The following INSR variants were observed in gnomAD, a reference collection of about 807,000 sequenced individuals.
INSR encodes IR.
Under a neutral mutation model 142.6 loss-of-function variants are expected in INSR, and 67 were observed. The ratio of observed to expected loss-of-function variants is 0.47; its 90% CI spans 0.39 to 0.58. INSR has a LOEUF of 0.58. Ranked by LOEUF, INSR falls within the 20% of genes least tolerant of loss-of-function variation. The pLI is 0.00. For synonymous variants in INSR, 756 were observed against 743.1 expected (o/e 1.02, Z -0.28); for missense variants, 1,248 against 1,833.2 (o/e 0.68, Z 5.83).
intron 2 of INSR, among the ~76,000 whole-genome samples, chr19:7,241,864 TA>T (rs56130733): frequency 1 from 151,976 of 152,074 alleles, 75,939 homozygotes; most frequent in African/African-American, 1. Flanking sequence ...TCATTAAATT[TA>T]AAAAAAGAAG....
At position 7,150,659 on chromosome 19, in the gene INSR, C is replaced by T. The variant is rs976069296; in HGVS notation, c.2232-127G>A. The T allele has an allele frequency of 2.5e-6, 2 of 810,418 alleles. No homozygotes were observed. The highest frequency in any genetic ancestry group is 1.7e-5 in the African/African-American group (1 of 60,034). 50.2% of individuals were successfully genotyped at this position (810,418 alleles called of 1,614,324 possible). ...CCTGGCTTTGACCCTGGACCACTCG[C>T]TCCCATCACTTGCTAGACGGAGTGA... On this transcript the variant is annotated intron_variant, in intron 10 of 21. Transcript: ENST00000302850. The surrounding 1 kb of genome is among the most constrained non-coding windows in gnomAD (Gnocchi z 4.2).
At chr19:7,262,456 G>A (rs1311863848) in intron 2 of INSR, among the ~76,000 whole-genome samples, 1 of 152,090 alleles carries the variant, frequency 6.6e-6, no homozygotes, top group African/African-American at 2.4e-5. Flanking sequence ...TGGGCGACGA[G>A]AGCAAAACTC....
At position 7,119,489 on chromosome 19, in the gene INSR, C is replaced by A; in HGVS notation, c.3754G>T (p.Gly1252Ter). ...TTGTCGGGTTGATCCAGATACCCTCCATCCATGACAAATTTCAACACCTGT... is the reference window on the plus strand; with the variant it reads ...TTGTCGGGTTGATCCAGATACCCTCAATCCATGACAAATTTCAACACCTGT... ...NEQVLKFVMD[G>*]GYLDQPDNCP... The change falls in exon 21 of 22, where the codon GGA becomes TGA. Residue 1252 changes from glycine (G) to a stop codon, truncating the protein, a stop_gained. Coordinates refer to ENST00000302850, the MANE Select transcript of INSR (RefSeq NM_000208.4). LOFTEE classifies it low-confidence loss of function (END_TRUNC). This position sits in a 1 kb window ranked among gnomAD's most constrained non-coding sequence, Gnocchi z 5.2. The A allele has an allele frequency of 1.9e-6, 3 of 1,614,174 alleles. No homozygotes were observed. The highest frequency in any genetic ancestry group is 2.5e-6 in the Non-Finnish European group (3 of 1,180,020).
chr19:7,219,590 AGAGAGAAG>A (rs1266892611), intron 2 of INSR, among the ~76,000 whole-genome samples: 2 of 101,458 alleles, frequency 2.0e-5, no homozygotes, highest in African/African-American at 1.1e-4. Flanking sequence ...GAGGGAAGAG[AGAGAGAAG>A]GAAGGAAGGG....
intron 2 of INSR, among the ~76,000 whole-genome samples, chr19:7,197,106 GT>G (rs1349589193): frequency 1.3e-5 from 2 of 152,216 alleles, no homozygotes; most frequent in Non-Finnish European, 2.9e-5. Context: ...TGACAGCTTC[GT>G]GGTCAGCAGC....
In INSR at chr19:7,267,990, G is replaced by A; in HGVS notation, c.101-94C>T. The A allele has an allele frequency of 9.3e-7, 1 of 1,071,356 alleles. No individual in the cohort carries two copies. Among genetic ancestry groups the A allele is most frequent in the Non-Finnish European group, 1.4e-6 (1 of 711,642 alleles). 66.4% of individuals were successfully genotyped at this position (1,071,356 alleles called of 1,614,324 possible). A position where few individuals can be genotyped will look rare whatever the true frequency, so the allele number is the denominator to read the frequency against. On this transcript the variant is annotated intron_variant, in intron 1 of 21. Coordinates refer to ENST00000302850, the MANE Select transcript of INSR (RefSeq NM_000208.4). The surrounding 1 kb of genome is among the most constrained non-coding windows in gnomAD (Gnocchi z 6.3). ...GGGGCAGAGCCGGCTTCATGGACAG[G>A]AAACCTGGGCCCTGTGTTTTCATCC...
At chr19:7,250,499 AAG>A (rs1445441017) in intron 2 of INSR, among the ~76,000 whole-genome samples, 4 of 141,978 alleles carry the variant, frequency 2.8e-5, no homozygotes, top group Admixed American at 1.4e-4. Context: ...GAAGGAAGGA[AAG>A]AGAGAAGGAT....
chr19:7,151,939 T>C (rs1320016584), intron 10 of INSR: 3 of 151,900 alleles, frequency 2.0e-5, no homozygotes, highest in East Asian at 1.9e-4. Flanking sequence ...AGTTCAGACA[T>C]GCATTACCAT....
chr19:7,232,063 A>T (rs564763176), intron 2 of INSR, among the ~76,000 whole-genome samples: 3 of 152,308 alleles, frequency 2.0e-5, no homozygotes, highest in Middle Eastern at 3.4e-3. Context: ...TAATCATTGT[A>T]ACACCTCATT....
rs1388989393 is a variant in INSR, at chr19:7,267,812, A to G, written c.185T>C (p.Ile62Thr). The G allele has an allele frequency of 6.2e-7, 1 of 1,614,140 alleles. No individual in the cohort carries two copies. Among genetic ancestry groups the G allele is most frequent in the Admixed American group, 1.7e-5 (1 of 60,002 alleles). ...NCSVIEGHLQILLMFKTRPED... is the reference protein window; with the variant it reads ...NCSVIEGHLQTLLMFKTRPED... ...GGGCCTCGTTTTGAACATCAAGAGT[A>G]TCTGCAAGTGTCCTTCGATGACAGA... The change falls in exon 2 of 22, where the codon ATA becomes ACA. Residue 62 changes from isoleucine to threonine, a missense_variant. By Grantham distance (89) the Ile-to-Thr change is moderately conservative. Coordinates refer to ENST00000302850, the MANE Select transcript of INSR (RefSeq NM_000208.4). The surrounding 1 kb of genome is among the most constrained non-coding windows in gnomAD (Gnocchi z 6.3).
intron 3 of INSR, among the ~76,000 whole-genome samples, chr19:7,176,487 G>A (rs954561591): frequency 6.6e-6 from 1 of 152,164 alleles, no homozygotes; most frequent in Non-Finnish European, 1.5e-5. Context: ...TGTAATCCCA[G>A]CTACTGGGGA....
chr19:7,166,149 C>G lies in INSR; in HGVS notation c.1861+5G>C, dbSNP rs1226708135. 1 of 1,613,878 alleles carries G rather than the reference C, an allele frequency of 6.2e-7. No individual in the cohort carries two copies. On this transcript the variant is annotated splice_donor_5th_base_variant and intron_variant, in intron 8 of 21. Coordinates refer to ENST00000302850, the MANE Select transcript of INSR (RefSeq NM_000208.4). This position sits in a 1 kb window ranked among gnomAD's most constrained non-coding sequence, Gnocchi z 4.1. ...TACGAATTCACATTCCCAAGACACA[C>G]TCACTGGTGGCATCTGTCTGGACAT...
At chr19:7,155,399 G>A (rs56131987) in intron 9 of INSR, among the ~76,000 whole-genome samples, 4 of 151,912 alleles carry the variant, frequency 2.6e-5, no homozygotes, top group Non-Finnish European at 2.9e-5. Context: ...TCAGCTGCAC[G>A]TGGTGGCACA....
At chr19:7,121,330 C>G (rs1686993070) in intron 19 of INSR, among the ~76,000 whole-genome samples, 1 of 152,104 alleles carries the variant, frequency 6.6e-6, no homozygotes, top group African/African-American at 2.4e-5. Flanking sequence ...TAAATAGAAT[C>G]ATATCACTTC....
intron 2 of INSR, among the ~76,000 whole-genome samples, chr19:7,215,217 A>C (rs189950593): frequency 6.6e-6 from 1 of 152,176 alleles, no homozygotes; most frequent in Admixed American, 6.5e-5. Flanking sequence ...GTGCTTGTTC[A>C]TGGAAGCACC....
At chr19:7,274,991 T>C (rs945932556) in intron 1 of INSR, among the ~76,000 whole-genome samples, 1 of 145,500 alleles carries the variant, frequency 6.9e-6, no homozygotes, top group Non-Finnish European at 1.5e-5. Flanking sequence ...TTTTTTTTGG[T>C]CAGAGAGGGA....
At chr19:7,255,216 A>G (rs1976852035) in intron 2 of INSR, among the ~76,000 whole-genome samples, 1 of 152,092 alleles carries the variant, frequency 6.6e-6, no homozygotes, top group African/African-American at 2.4e-5. Context: ...AGCTTATCTA[A>G]CCTGATAGTT....
rs72988630 is a variant in INSR, at chr19:7,284,859, G to T, written c.100+8933C>A. On this transcript the variant is annotated intron_variant, in intron 1 of 21. Transcript: ENST00000302850. Reference sequence around the variant, plus strand: ...TTAATCCTCAGTGTGCAGATTGTATGAATCTGACGCATAAGGGCTGAAGCA... The same window carrying T: ...TTAATCCTCAGTGTGCAGATTGTATTAATCTGACGCATAAGGGCTGAAGCA... 8.2e-3 allele frequency among the ~76,000 whole-genome samples: 1,245 copies of T among 152,242 alleles called. 4 individuals are homozygous for T. The highest frequency in any genetic ancestry group is 0.012 in the Non-Finnish European group (846 of 68,020).
At chr19:7,140,773 CT>C (rs34805383) in intron 13 of INSR, among the ~76,000 whole-genome samples, 483 of 139,354 alleles carry the variant, frequency 3.5e-3, no homozygotes, top group Middle Eastern at 7.4e-3. Context: ...ATTAACGGCC[CT>C]TTTTTTTTTT....
Sources: gnomAD v4.1 joint callset for allele counts (sites outside exome capture counted in the v4.1 genomes callset) on GRCh38, gnomAD v4.1.1 for gene constraint, Gnocchi (gnomAD v3.1) non-coding constraint, MANE v1.5 for transcripts, NCBI Gene and HGNC (gene_info 2026-07-23, HGNC 2026-07-21) for gene names.